WDR25: variants seen among roughly 807,000 people sequenced by gnomAD.
The protein encoded by WDR25 is WD repeat-containing protein 25.
A neutral mutation model predicts 47.7 loss-of-function variants in WDR25; 35 were observed. The ratio of observed to expected loss-of-function variants is 0.73; its 90% CI spans 0.56 to 0.97. The LOEUF is 0.97. WDR25 is among the 50% of genes least tolerant of loss of function. The pLI is 0.00. For missense variants in WDR25, 634 were observed against 704.7 expected, an observed-to-expected ratio of 0.90 and a Z score of 1.14; for synonymous variants, 248 against 278.9, an observed-to-expected ratio of 0.89 and a Z score of 1.10.
chr14:100,440,882 G>A lies in WDR25; in HGVS notation c.823-27139G>A, dbSNP rs2140246294. ...GCCAGAGATTGTCTGCACTGGGATT[G>A]TTCCCCCAGGATAGTCCTGATGACA... is the stretch of plus-strand genomic sequence containing the variant. On this transcript the variant is annotated intron_variant, in intron 2 of 6. Transcript: ENST00000402312. This position sits in a 1 kb window ranked among gnomAD's most constrained non-coding sequence, Gnocchi z 4.4. 6.6e-6 allele frequency among the ~76,000 whole-genome samples: 1 copy of A among 152,364 alleles called. No homozygotes were observed. Among genetic ancestry groups the A allele is most frequent in the South Asian group, 2.1e-4 (1 of 4,834 alleles).
chr14:100,494,312 C>G (rs1002591200), intron 4 of WDR25, among the ~76,000 whole-genome samples: 1 of 152,204 alleles, frequency 6.6e-6, no homozygotes, highest in Non-Finnish European at 1.5e-5. Flanking sequence ...TGTTTGCTTA[C>G]AGTGCCCTTC....
At chr14:100,417,410 A>G (rs1278754446) in intron 2 of WDR25, among the ~76,000 whole-genome samples, 1 of 152,202 alleles carries the variant, frequency 6.6e-6, no homozygotes, top group African/African-American at 2.4e-5. Flanking sequence ...GCGAGGGTGC[A>G]GGGAGATGGA....
At chr14:100,462,422 T>C (rs1899445414) in intron 2 of WDR25, among the ~76,000 whole-genome samples, 2 of 152,218 alleles carry the variant, frequency 1.3e-5, no homozygotes, top group South Asian at 2.1e-4. Context: ...GGAATTAATC[T>C]TTAAAACCTG....
rs1896869467 is a variant in WDR25, at chr14:100,380,934, A to G, written c.10A>G (p.Arg4Gly). 6.2e-7 allele frequency: 1 copy of G among 1,611,826 alleles called. No homozygotes were observed. Among genetic ancestry groups the G allele is most frequent in the Non-Finnish European group, 8.5e-7 (1 of 1,178,080 alleles). Reference sequence around the variant, plus strand: ...GGTGGTTTGGCTTTGAATGACAGCAAGAACTCTGTCTTTAATGGCTTCATT... The same window carrying G: ...GGTGGTTTGGCTTTGAATGACAGCAGGAACTCTGTCTTTAATGGCTTCATT... MTARTLSLMASLVA... is the reference protein window; with the variant it reads MTAGTLSLMASLVA... The change falls in exon 2 of 7, where the codon AGA (arginine) becomes GGA (glycine). Residue 4 changes from arginine (R) to glycine (G), a missense_variant. Transcript: ENST00000402312.
Position 100,488,335 on chromosome 14 carries a change from C to G in WDR25, c.1101+4211C>G, listed in dbSNP as rs1429492874. On this transcript the variant is annotated intron_variant, in intron 4 of 6. Transcript: ENST00000402312. The surrounding 1 kb of genome is among the most constrained non-coding windows in gnomAD (Gnocchi z 4.2). Reference sequence around the variant, plus strand: ...GCTTGAACATGGGTGTGGTCTGGAACCCAGGATGCCTGTGGTCTGACCTTT... The same window carrying G: ...GCTTGAACATGGGTGTGGTCTGGAAGCCAGGATGCCTGTGGTCTGACCTTT... Among the ~76,000 whole-genome samples the G allele has an allele frequency of 6.6e-6, 1 of 152,072 alleles. No individual in the cohort carries two copies. The highest frequency in any genetic ancestry group is 1.5e-5 in the Non-Finnish European group (1 of 68,028).
In WDR25 at chr14:100,428,988, A is replaced by G. The variant is rs535624194; in HGVS notation, c.823-39033A>G. ...AGCTTCACTTCACATAAGTCATTTC[A>G]GATCCTGCACTTATTGAATCAGTGC... On this transcript the variant is annotated intron_variant, in intron 2 of 6. Coordinates refer to ENST00000402312, the MANE Select transcript of WDR25 (RefSeq NM_001161476.3). The surrounding 1 kb of genome is among the most constrained non-coding windows in gnomAD (Gnocchi z 4.3). Among the ~76,000 whole-genome samples, 1 of 152,308 alleles carries G rather than the reference A, an allele frequency of 6.6e-6. No individual in the cohort carries two copies. The highest frequency in any genetic ancestry group is 2.4e-5 in the African/African-American group (1 of 41,574).
Position 100,407,561 on chromosome 14 carries a change from T to G in WDR25, c.822+25815T>G, listed in dbSNP as rs573719720. 2.2e-4 allele frequency: 34 copies of G among 152,448 alleles called. No individual in the cohort carries two copies. Among genetic ancestry groups the G allele is most frequent in the African/African-American group, 8.2e-4 (34 of 41,530 alleles). The allele number at this position is 152,448 out of a possible 1,614,324, so 9.4% of individuals were successfully genotyped here. A position where few individuals can be genotyped will look rare whatever the true frequency, so the allele number is the denominator to read the frequency against. On this transcript the variant is annotated intron_variant, in intron 2 of 6. Coordinates refer to ENST00000402312, the MANE Select transcript of WDR25 (RefSeq NM_001161476.3). This position sits in a 1 kb window ranked among gnomAD's most constrained non-coding sequence, Gnocchi z 4.1. The stretch of plus-strand genomic sequence containing the variant: ...TCAGTGTGCCCTTGTGGGAAGCCGG[T>G]GCGTTTCCAGGGGAGCTGCTGGAGG...
At chr14:100,377,738 AGT>A (rs1896749475) in intron 1 of WDR25, among the ~76,000 whole-genome samples, 1 of 152,186 alleles carries the variant, frequency 6.6e-6, no homozygotes, top group African/African-American at 2.4e-5. Context: ...CTTGTAGACC[AGT>A]GGAACCCTCA....
chr14:100,479,865 G>A (rs1284102248), intron 3 of WDR25, among the ~76,000 whole-genome samples: 1 of 152,074 alleles, frequency 6.6e-6, no homozygotes, highest in Admixed American at 6.5e-5. Flanking sequence ...TACGAACGGA[G>A]CCCTATTGTG....
rs1283422407 is a variant in WDR25, at chr14:100,498,951, G to A, written c.1101+14827G>A. On this transcript the variant is annotated intron_variant, in intron 4 of 6. Transcript: ENST00000402312. This position sits in a 1 kb window ranked among gnomAD's most constrained non-coding sequence, Gnocchi z 4.2. ...AGAGGGCTTGTCGTGGGGTCCCCCT[G>A]TGACTTGGGTGCAAGCAGGGTGTAG... 2.0e-5 allele frequency among the ~76,000 whole-genome samples: 3 copies of A among 152,194 alleles called. No homozygotes were observed. The highest frequency in any genetic ancestry group is 4.4e-5 in the Non-Finnish European group (3 of 68,036).
chr14:100,516,910 T>C (rs918606824), intron 4 of WDR25, among the ~76,000 whole-genome samples: 1 of 151,634 alleles, frequency 6.6e-6, no homozygotes, highest in African/African-American at 2.4e-5. Context: ...TGTCATGTTA[T>C]TATTTTATTA....
intron 2 of WDR25, among the ~76,000 whole-genome samples, chr14:100,460,086 A>G (rs539792198): frequency 1.3e-5 from 2 of 149,988 alleles, no homozygotes; most frequent in Non-Finnish European, 3.0e-5. Context: ...CAAGAGACCA[A>G]TATCTCTCAT....
chr14:100,410,891 T>G (rs1371034012), intron 2 of WDR25, among the ~76,000 whole-genome samples: 6 of 151,178 alleles, frequency 4.0e-5, no homozygotes, highest in Non-Finnish European at 2.9e-5. Context: ...CAAGCGATCC[T>G]CCTACCTTAG....
At chr14:100,509,800 A>G (rs1901240084) in intron 4 of WDR25, among the ~76,000 whole-genome samples, 1 of 152,178 alleles carries the variant, frequency 6.6e-6, no homozygotes, top group Non-Finnish European at 1.5e-5. Flanking sequence ...TGTGTATGGT[A>G]CAGGTATGGA....
rs904856608 is a variant in WDR25 at position 100,504,249 on chromosome 14, A to C, written c.1101+20125A>C. Among the ~76,000 whole-genome samples, 7 of 152,262 alleles carry C rather than the reference A, an allele frequency of 4.6e-5. No individual in the cohort carries two copies. In the South Asian group the frequency reaches 8.3e-4, roughly 18 times the overall value. On this transcript the variant is annotated intron_variant, in intron 4 of 6. Coordinates refer to ENST00000402312, the MANE Select transcript of WDR25 (RefSeq NM_001161476.3). ...CATCCACTCTCTAATCCATGTTCAG[A>C]TTTCCCTGGTTGTCTCATAATTTGC...
intron 2 of WDR25, among the ~76,000 whole-genome samples, chr14:100,456,068 G>A (rs1260495854): frequency 6.6e-6 from 1 of 152,172 alleles, no homozygotes; most frequent in African/African-American, 2.4e-5. Flanking sequence ...CTTCAAGAAT[G>A]AATGTGAAGC....
chr14:100,392,832 T>G lies in WDR25; in HGVS notation c.822+11086T>G, dbSNP rs1381717271. ...GATAATGCTGAAGTGGTTATCTTCA[T>G]GCATGAAACCCTTTTCTGTTGGATT... On this transcript the variant is annotated intron_variant, in intron 2 of 6. Coordinates refer to ENST00000402312, the MANE Select transcript of WDR25 (RefSeq NM_001161476.3). This position sits in a 1 kb window ranked among gnomAD's most constrained non-coding sequence, Gnocchi z 4.2. Among the ~76,000 whole-genome samples the G allele has an allele frequency of 6.6e-6, 1 of 152,244 alleles. No individual in the cohort carries two copies. The highest frequency in any genetic ancestry group is 1.5e-5 in the Non-Finnish European group (1 of 68,042).
chr14:100,513,948 T>G (rs1472573449), intron 4 of WDR25, among the ~76,000 whole-genome samples: 2 of 151,838 alleles, frequency 1.3e-5, no homozygotes, highest in Non-Finnish European at 2.9e-5. Flanking sequence ...CTTTTTTTTT[T>G]TTTTTGAGAC....
At chr14:100,429,014 A>C (rs1160467714) in intron 2 of WDR25, among the ~76,000 whole-genome samples, 1 of 152,182 alleles carries the variant, frequency 6.6e-6, no homozygotes, top group African/African-American at 2.4e-5. Flanking sequence ...GAATCAGTGC[A>C]TACTGCTGTC....
Sources: allele counts gnomAD v4.1 joint callset (sites outside exome capture counted in the v4.1 genomes callset), GRCh38; gene constraint gnomAD v4.1.1; non-coding constraint Gnocchi (gnomAD v3.1); transcripts MANE v1.5; gene names NCBI Gene and HGNC (gene_info 2026-07-23, HGNC 2026-07-21).